Variants in SLC41A2 observed in about 807,000 individuals in gnomAD.
SLC41A2 encodes the protein solute carrier family 41 member 2.
A neutral mutation model predicts 58.3 loss-of-function variants in SLC41A2; 32 were observed. That is an observed-to-expected ratio of 0.55 (90% CI 0.41 to 0.74). The LOEUF (loss-of-function observed/expected upper bound fraction) is 0.74. Ranked by LOEUF, SLC41A2 falls within the 30% of genes least tolerant of loss-of-function variation. The pLI, the probability that SLC41A2 is intolerant of heterozygous loss-of-function variation, is 0.00. For missense variants in SLC41A2, 514 were observed against 680.6 expected, an observed-to-expected ratio of 0.76 and a Z score of 2.72; for synonymous variants, 190 against 235.0, an observed-to-expected ratio of 0.81 and a Z score of 1.75.
In SLC41A2 at chr12:104,845,573, AT is replaced by A. The variant is rs565339329; in HGVS notation, c.1387+269del. Reference sequence around the variant, plus strand: ...TGCCTCCCGAAATCACCTGGCAATTATTTTTTTTGTCTTTCACAAAATAAGG... The same window carrying A: ...TGCCTCCCGAAATCACCTGGCAATTATTTTTTTGTCTTTCACAAAATAAGG... On this transcript the variant is annotated intron_variant, in intron 9 of 10. Transcript: ENST00000258538. 3.8e-3 allele frequency among the ~76,000 whole-genome samples: 573 copies of A among 151,946 alleles called. 3 individuals are homozygous for A. Among genetic ancestry groups the A allele is most frequent in the Non-Finnish European group, 6.2e-3 (420 of 67,950 alleles).
intron 6 of SLC41A2, 89 bp downstream of exon 6, chr12:104,886,204 G>A: frequency 7.2e-7 from 1 of 1,383,016 alleles, no homozygotes; most frequent in Non-Finnish European, 9.9e-7. Flanking sequence ...TGCAAATGAA[G>A]GCTACCATGG....
intron 10 of SLC41A2, among the ~76,000 whole-genome samples, chr12:104,819,626 G>A (rs990337330): frequency 6.6e-6 from 1 of 152,128 alleles, no homozygotes; most frequent in African/African-American, 2.4e-5. Context: ...TGAAGAATGA[G>A]TACTGTGCTA....
chr12:104,888,283 T>A (rs921687322), intron 5 of SLC41A2, among the ~76,000 whole-genome samples: 2 of 152,044 alleles, frequency 1.3e-5, no homozygotes, highest in Admixed American at 6.5e-5. Context: ...TTCCCTAAAT[T>A]CCCAGAACCT....
At position 104,833,886 on chromosome 12, in the gene SLC41A2, T is replaced by C. The variant is rs938517174; in HGVS notation, c.1536+10586A>G. On this transcript the variant is annotated intron_variant, in intron 10 of 10. Transcript: ENST00000258538. ...TAATTATTTTTACACTTTTCAATTA[T>C]GTGGTTTCACTCAGTTATAAGATTT... 6 of 356,880 alleles carry C rather than the reference T, an allele frequency of 1.7e-5. No individual in the cohort carries two copies. The South Asian group carries it at 3.4e-4, about 20-fold the overall frequency. The allele number at this position is 356,880 out of a possible 1,614,324, so 22.1% of individuals were successfully genotyped here. A position where few individuals can be genotyped will look rare whatever the true frequency, so the allele number is the denominator to read the frequency against.
At chr12:104,844,724 A>G (rs574859336) in intron 9 of SLC41A2, 104 bp from the exon 10 acceptor site, 1 of 469,706 alleles carries the variant, frequency 2.1e-6, no homozygotes, top group South Asian at 7.6e-5. Context: ...ACTATACTTC[A>G]TACTATCACA....
intron 10 of SLC41A2, among the ~76,000 whole-genome samples, chr12:104,835,538 C>G (rs2050593833): frequency 6.6e-6 from 1 of 152,166 alleles, no homozygotes; most frequent in Non-Finnish European, 1.5e-5. Flanking sequence ...TGGATTCCAA[C>G]AAAGCAAATT....
chr12:104,958,717 C>T (rs2048265699), upstream of SLC41A2: 1 of 152,372 alleles, frequency 6.6e-6, no homozygotes, highest in African/African-American at 2.4e-5. Flanking sequence ...AACCGAACCA[C>T]GTGTCTTTCG....
At chr12:104,900,479 A>G (rs946478229) in intron 3 of SLC41A2, among the ~76,000 whole-genome samples, 3 of 152,226 alleles carry the variant, frequency 2.0e-5, no homozygotes, top group African/African-American at 7.2e-5. Context: ...TTATATATCT[A>G]AACTCAGCAA....
At chr12:104,813,633 GT>G (rs1308933640) in intron 10 of SLC41A2, among the ~76,000 whole-genome samples, 1 of 151,960 alleles carries the variant, frequency 6.6e-6, no homozygotes, top group African/African-American at 2.4e-5. Flanking sequence ...ATACAAATGG[GT>G]TTTTTGTTTT....
chr12:104,870,172 G>A (rs2043694018), intron 6 of SLC41A2, among the ~76,000 whole-genome samples: 1 of 152,150 alleles, frequency 6.6e-6, no homozygotes, highest in Non-Finnish European at 1.5e-5. Flanking sequence ...GTATAGGAGG[G>A]AGGCAGGAGC....
intron 4 of SLC41A2, among the ~76,000 whole-genome samples, chr12:104,890,767 G>A (rs1008065360): frequency 6.6e-6 from 1 of 152,192 alleles, no homozygotes; most frequent in Non-Finnish European, 1.5e-5. Flanking sequence ...TGGGACTGGA[G>A]ACTTTGCTTT....
intron 2 of SLC41A2, among the ~76,000 whole-genome samples, chr12:104,921,782 A>T (rs1263530030): frequency 6.6e-6 from 1 of 152,224 alleles, no homozygotes; most frequent in Non-Finnish European, 1.5e-5. Context: ...CTAAAACACA[A>T]ATCTATCAAA....
intron 6 of SLC41A2, among the ~76,000 whole-genome samples, chr12:104,874,166 C>T (rs1234783019): frequency 6.6e-6 from 1 of 151,374 alleles, no homozygotes; most frequent in African/African-American, 2.4e-5. Context: ...CTCTGCCTCC[C>T]GGGTTCACAC....
intron 2 of SLC41A2, among the ~76,000 whole-genome samples, chr12:104,921,978 A>AT (rs200621147): frequency 8.6e-5 from 13 of 151,768 alleles, no homozygotes; most frequent in East Asian, 1.9e-4. Context: ...ACATTATAAG[A>AT]TTTTTTTTTA....
Position 104,845,945 on chromosome 12 carries a change from C to A in SLC41A2, c.1285G>T (p.Ala429Ser), listed in dbSNP as rs760937335. The A allele has an allele frequency of 6.2e-7, 1 of 1,613,598 alleles. No homozygotes were observed. Among genetic ancestry groups the A allele is most frequent in the Non-Finnish European group, 8.5e-7 (1 of 1,179,706 alleles). The change falls in exon 9 of 11, where the codon GCT (alanine) becomes TCT (serine). Residue 429 changes from alanine to serine, a missense_variant. Transcript: ENST00000258538. ...TGGAGGTAGGTAGAAATCCTGCTAG[C>A]CTGAATGGCCACCAAATTACCACCA... ...GIGGNLVAIQ[A>S]SRISTYLHLH...
chr12:104,947,030 T>A (rs1018035437), intron 1 of SLC41A2, among the ~76,000 whole-genome samples: 6 of 152,100 alleles, frequency 3.9e-5, no homozygotes, highest in African/African-American at 1.4e-4. Context: ...TCAATAAATG[T>A]TAGCTAATAT....
At chr12:104,933,327 A>C (rs1299572033) in intron 1 of SLC41A2, among the ~76,000 whole-genome samples, 1 of 152,242 alleles carries the variant, frequency 6.6e-6, no homozygotes, top group Non-Finnish European at 1.5e-5. Flanking sequence ...AACCACAATG[A>C]AATACCACCT....
At chr12:104,925,413 C>T (rs1262400847) in intron 2 of SLC41A2, among the ~76,000 whole-genome samples, 1 of 152,078 alleles carries the variant, frequency 6.6e-6, no homozygotes, top group Admixed American at 6.5e-5. Context: ...AAAAAATTAG[C>T]CGGGCGCGGT....
At chr12:104,850,485 G>A (rs1436764750) in intron 8 of SLC41A2, among the ~76,000 whole-genome samples, 2 of 152,196 alleles carry the variant, frequency 1.3e-5, no homozygotes, top group Non-Finnish European at 2.9e-5. Flanking sequence ...GATACCTAGT[G>A]AAGTTTTGGC....
Sources: allele counts gnomAD v4.1 joint callset (sites outside exome capture counted in the v4.1 genomes callset), GRCh38; gene constraint gnomAD v4.1.1; transcripts MANE v1.5; gene names NCBI Gene and HGNC (gene_info 2026-07-23, HGNC 2026-07-21).